DIDO1: variants seen among roughly 807,000 people sequenced by gnomAD.
The protein encoded by DIDO1 is death-inducer obliterator 1.
Under a neutral mutation model 99.4 loss-of-function variants are expected in DIDO1, and 16 were observed. That is an observed-to-expected ratio of 0.16 (90% CI 0.11 to 0.24). DIDO1 has a LOEUF of 0.24. Ranked by LOEUF, DIDO1 falls within the 10% of genes least tolerant of loss-of-function variation. DIDO1 has a pLI of 1.00. For missense variants in DIDO1, 2,996 were observed against 3,014.0 expected, an observed-to-expected ratio of 0.99 and a Z score of 0.14; for synonymous variants, 1,366 against 1,239.1, an observed-to-expected ratio of 1.10 and a Z score of -2.15.
chr20:62,885,286 G>C (rs577398749), intron 15 of DIDO1, among the ~76,000 whole-genome samples: 1 of 152,240 alleles, frequency 6.6e-6, no homozygotes, highest in African/African-American at 2.4e-5. Flanking sequence ...GCCTCGTGTG[G>C]GGAAGTTACC....
At chr20:62,926,704 C>T (rs1243425350), upstream of DIDO1, among the ~76,000 whole-genome samples, 1 of 152,242 alleles carries the variant, frequency 6.6e-6, no homozygotes, top group East Asian at 1.9e-4. Context: ...TTTGTGGACA[C>T]CTTATTTCCC....
At chr20:62,910,388 T>C (rs2064903661) in intron 3 of DIDO1, among the ~76,000 whole-genome samples, 1 of 152,238 alleles carries the variant, frequency 6.6e-6, no homozygotes, top group African/African-American at 2.4e-5. Context: ...ACTAGGACAC[T>C]TGCGGTCTGC....
In DIDO1 at chr20:62,890,991, A is replaced by G. The variant is rs1191956679; in HGVS notation, c.3510T>C (p.Val1170=). ...YLIPLSAQDP[V]PSKLLPFEGP... ...CCTCAAAGGGCAAGAGTTTGGATGG[A>G]ACAGGGTCCTGGGCGCTCAGCGGGA... Residue 1170 remains valine, a synonymous_variant, in exon 15 of 16, where the codon GTT becomes GTC. Coordinates refer to ENST00000395343, the MANE Select transcript of DIDO1 (RefSeq NM_001193369.2). The G allele has an allele frequency of 2.5e-6, 4 of 1,614,000 alleles. No individual in the cohort carries two copies. Among genetic ancestry groups the G allele is most frequent in the Non-Finnish European group, 3.4e-6 (4 of 1,180,034 alleles).
In DIDO1 at chr20:62,890,135, C is replaced by A. The variant is rs551717260; in HGVS notation, c.3541+825G>T. 7 of 985,946 alleles carry A rather than the reference C, an allele frequency of 7.1e-6. No homozygotes were observed. The African/African-American group carries it at 1.0e-4, about 15-fold the overall frequency. 61.1% of individuals were successfully genotyped at this position (985,946 alleles called of 1,614,324 possible). ...AGGGCACTGAGGCACAGGGTCCAGACAGCACCTGCCTTTATGACGAAGCAC... is the reference window on the plus strand; with the variant it reads ...AGGGCACTGAGGCACAGGGTCCAGAAAGCACCTGCCTTTATGACGAAGCAC... On this transcript the variant is annotated intron_variant, in intron 15 of 15. Transcript: ENST00000395343.
chr20:62,892,290 A>G (rs1402550242), intron 13 of DIDO1, among the ~76,000 whole-genome samples: 1 of 152,182 alleles, frequency 6.6e-6, no homozygotes, highest in Non-Finnish European at 1.5e-5. Flanking sequence ...AGACAAGATT[A>G]TGTTTAGAAA....
intron 6 of DIDO1, 110 bp downstream of exon 6, chr20:62,905,777 G>A (rs772323483): frequency 6.2e-7 from 1 of 1,610,766 alleles, no homozygotes; most frequent in South Asian, 1.1e-5. Context: ...GCCGGTGTCT[G>A]TGATCAGCTT....
chr20:62,887,690 T>C (rs1056984), intron 15 of DIDO1: 353,449 of 985,182 alleles, frequency 0.36, 66,090 homozygotes, highest in African/African-American at 0.65. Context: ...GTAAGGGCCC[T>C]GCACAGAACC....
intron 12 of DIDO1, 126 bp downstream of exon 12, chr20:62,893,540 G>T: frequency 8.5e-7 from 1 of 1,178,092 alleles, no homozygotes; most frequent in Non-Finnish European, 1.2e-6. Flanking sequence ...CTTTTTAAAA[G>T]ATGAAAGAGT....
chr20:62,901,590 G>T (rs565062150), intron 6 of DIDO1, among the ~76,000 whole-genome samples: 130 of 152,132 alleles, frequency 8.5e-4, no homozygotes, highest in African/African-American at 3.0e-3. Flanking sequence ...AGTCCTAAAG[G>T]GCCATACTCA....
Position 62,910,948 on chromosome 20 carries a change from T to C in DIDO1, c.665A>G (p.Asp222Gly), listed in dbSNP as rs555348157. 3.1e-6 allele frequency: 5 copies of C among 1,614,148 alleles called. No homozygotes were observed. The Admixed American group carries it at 5.0e-5, about 16-fold the overall frequency. Residue 222 changes from aspartate to glycine, a missense_variant, in exon 3 of 16, where the codon GAT becomes GGT. This residue lies in a region of DIDO1 where 388 missense variants were observed against 376.6 expected (regional missense o/e 1.03). Coordinates refer to ENST00000395343, the MANE Select transcript of DIDO1 (RefSeq NM_001193369.2). ...VLPSKQEPENDQGVVSQAGKD... is the reference protein window; with the variant it reads ...VLPSKQEPENGQGVVSQAGKD... ...CCCAGCCTGGGACACAACCCCCTGATCGTTCTCGGGCTCCTGCTTACTGGG... is the reference window on the plus strand; with the variant it reads ...CCCAGCCTGGGACACAACCCCCTGACCGTTCTCGGGCTCCTGCTTACTGGG...
chr20:62,880,072 T>G lies in DIDO1; in HGVS notation c.5884A>C (p.Ile1962Leu). The change falls in exon 16 of 16, where the codon ATT becomes CTT. Residue 1962 changes from isoleucine (I) to leucine (L), a missense_variant. Coordinates refer to ENST00000395343, the MANE Select transcript of DIDO1 (RefSeq NM_001193369.2). Reference sequence around the variant, plus strand: ...TGGTCTTCGAACTGCTGAGGCTGAATGCCCCTGGGACCTGGCATAAAGTTA... The same window carrying G: ...TGGTCTTCGAACTGCTGAGGCTGAAGGCCCCTGGGACCTGGCATAAAGTTA... ...APNFMPGPRG[I>L]QPQQFEDQRV... is the part of the protein sequence containing the mutation. The G allele has an allele frequency of 6.2e-7, 1 of 1,611,970 alleles. No homozygotes were observed. Among genetic ancestry groups the G allele is most frequent in the Non-Finnish European group, 8.5e-7 (1 of 1,180,004 alleles).
intron 15 of DIDO1, chr20:62,889,650 T>G: frequency 8.1e-6 from 8 of 985,378 alleles, no homozygotes; most frequent in Non-Finnish European, 9.6e-6. Flanking sequence ...GGCCGGGCTT[T>G]TCCTCTCCCT....
At position 62,893,954 on chromosome 20, in the gene DIDO1, G is replaced by A. The variant is rs2064457332; in HGVS notation, c.2813C>T (p.Pro938Leu). 1.9e-6 allele frequency: 3 copies of A among 1,612,414 alleles called. No individual in the cohort carries two copies. Among genetic ancestry groups the A allele is most frequent in the Non-Finnish European group, 2.5e-6 (3 of 1,178,736 alleles). ...YFPGPPGDGH[P>L]EPSPLEDLSP... ...CAGGTCTTCCAGCGGGGAGGGCTCG[G>A]GATGGCCATCTCCTGGAGGCCCAGG... The change falls in exon 12 of 16, where the codon CCC becomes CTC. Residue 938 changes from proline (P) to leucine (L), a missense_variant. Coordinates refer to ENST00000395343, the MANE Select transcript of DIDO1 (RefSeq NM_001193369.2).
In DIDO1 at chr20:62,877,971, A is replaced by C. The variant is rs758452343; in HGVS notation, c.*1262T>G. On this transcript the variant is annotated 3_prime_UTR_variant, in exon 16 of 16. Transcript: ENST00000395343. ...ATCGTACTAGATGTTGGAACGTGAC[A>C]CCTACTTTAATGTAATTTAACCTAT... is the stretch of plus-strand genomic sequence containing the variant. 1 of 152,214 alleles carries C rather than the reference A, an allele frequency of 6.6e-6. No homozygotes were observed. The highest frequency in any genetic ancestry group is 1.9e-4 in the East Asian group (1 of 5,202). The allele number at this position is 152,214 out of a possible 1,614,324, so 9.4% of individuals were successfully genotyped here.
chr20:62,880,146 G>T lies in DIDO1; in HGVS notation c.5810C>A (p.Ala1937Asp), dbSNP rs749717448. 9 of 1,612,438 alleles carry T rather than the reference G, an allele frequency of 5.6e-6. No individual in the cohort carries two copies. Among genetic ancestry groups the T allele is most frequent in the Non-Finnish European group, 7.6e-6 (9 of 1,179,964 alleles). The change falls in exon 16 of 16, where the codon GCC (alanine) becomes GAC (aspartate). Residue 1937 changes from alanine to aspartate, a missense_variant. Physicochemically the swap from Ala to Asp is moderately radical, Grantham distance 126. Transcript: ENST00000395343. The part of the protein sequence containing the change: ...RGPHPSQFET[A>D]RGPHPNQFEG... The stretch of plus-strand genomic sequence containing the variant: ...AAACTGGTTGGGATGAGGGCCCCGG[G>T]CAGTTTCAAACTGACTAGGATGGGG...
chr20:62,895,471 A>C (rs2064498440), intron 8 of DIDO1, among the ~76,000 whole-genome samples: 4 of 152,082 alleles, frequency 2.6e-5, no homozygotes, highest in African/African-American at 4.8e-5. Context: ...AAAAAAAAAC[A>C]ACACACAACA....
At chr20:62,932,932 G>C (rs1002324867) in intron 1 of DIDO1, among the ~76,000 whole-genome samples, 2 of 152,076 alleles carry the variant, frequency 1.3e-5, no homozygotes, top group African/African-American at 4.8e-5. Context: ...TGTGCAGCAG[G>C]CCAGGCGCCA....
chr20:62,936,920 A>C (rs1037404671), intron 1 of DIDO1, among the ~76,000 whole-genome samples: 2 of 152,258 alleles, frequency 1.3e-5, no homozygotes, highest in Admixed American at 1.3e-4. Context: ...GTAGTTGCAA[A>C]TGAAAAAATT....
Position 62,879,336 on chromosome 20 carries a change from C to A in DIDO1, c.6620G>T (p.Arg2207Leu). The A allele has an allele frequency of 6.4e-7, 1 of 1,555,920 alleles. No homozygotes were observed. The highest frequency in any genetic ancestry group is 2.4e-5 in the East Asian group (1 of 41,374). Reference protein sequence around the residue: ...RDRDKARDRERGRDRKDRSKS... With the variant: ...RDRDKARDRELGRDRKDRSKS... ...GCTCCGGTCCTTGCGGTCGCGGCCC[C>A]GCTCCCTGTCCCTGGCCTTGTCTCG... Residue 2207 changes from arginine (R) to leucine (L), a missense_variant, in exon 16 of 16, where the codon CGG becomes CTG. Physicochemically the swap from Arg to Leu is moderately radical, Grantham distance 102. Coordinates refer to ENST00000395343, the MANE Select transcript of DIDO1 (RefSeq NM_001193369.2). The surrounding 1 kb of genome is among the most constrained non-coding windows in gnomAD (Gnocchi z 6.3).
Sources: allele counts gnomAD v4.1 joint callset (sites outside exome capture counted in the v4.1 genomes callset), GRCh38; gene constraint gnomAD v4.1.1; regional missense constraint gnomAD v4.1.1; non-coding constraint Gnocchi (gnomAD v3.1); transcripts MANE v1.5; gene names NCBI Gene and HGNC (gene_info 2026-07-23, HGNC 2026-07-21).